The following NHS variants were observed in gnomAD, a reference collection of about 807,000 sequenced individuals.
NHS encodes actin remodeling regulator NHS.
In NHS, 5 loss-of-function variants were observed where a neutral mutation model predicts 72.5. That is an observed-to-expected ratio of 0.07 (90% CI 0.04 to 0.14). The LOEUF (loss-of-function observed/expected upper bound fraction) is 0.14, where lower values mean the gene tolerates loss of function less well. Ranked by LOEUF, NHS falls within the 10% of genes least tolerant of loss-of-function variation. The pLI, the probability that NHS is intolerant of heterozygous loss-of-function variation, is 1.00. For missense variants in NHS, 1,072 were observed against 1,355.7 expected (o/e 0.79, Z 3.29); for synonymous variants, 464 against 547.7 (o/e 0.85, Z 2.13).
chrX:17,458,726 C>T (rs779288585), intron 1 of NHS, among the ~76,000 whole-genome samples: 1 of 112,308 alleles, frequency 8.9e-6, no homozygotes, highest in East Asian at 2.8e-4. Context: ...CTCCTGACCT[C>T]AGGTGATCTG....
intron 1 of NHS, chrX:17,552,436 A>C (rs2065341712): frequency 8.9e-6 from 1 of 111,987 alleles, no homozygotes; most frequent in Non-Finnish European, 1.9e-5. Context: ...GCAGCTGAAC[A>C]GTGCTGGGTT....
intron 1 of NHS, among the ~76,000 whole-genome samples, chrX:17,521,590 T>C (rs1397369207): frequency 9.0e-6 from 1 of 111,232 alleles, no homozygotes; most frequent in Non-Finnish European, 1.9e-5. Flanking sequence ...CTCAAGTTCC[T>C]GGGATCAAGT....
intron 1 of NHS, among the ~76,000 whole-genome samples, chrX:17,563,313 G>A (rs1226951308): frequency 8.9e-6 from 1 of 112,679 alleles, no homozygotes; most frequent in Non-Finnish European, 1.9e-5. Context: ...GGGGCATTCA[G>A]TTAATGTTTA....
intron 3 of NHS, among the ~76,000 whole-genome samples, chrX:17,698,086 T>A (rs948746210): frequency 6.3e-5 from 7 of 111,525 alleles, no homozygotes; most frequent in African/African-American, 2.3e-4. Flanking sequence ...TGAATATGAG[T>A]GAGCTTAATT....
chrX:17,518,407 A>G (rs2065131002), intron 1 of NHS, among the ~76,000 whole-genome samples: 1 of 111,818 alleles, frequency 8.9e-6, no homozygotes, highest in South Asian at 3.7e-4. Flanking sequence ...CCATCTACAC[A>G]AGGAGTGAAC....
At position 17,733,463 on chromosome X, in the gene NHS, A is replaced by G. The variant is rs2066501985; in HGVS notation, c.*999A>G. On this transcript the variant is annotated 3_prime_UTR_variant, in exon 9 of 9. Coordinates refer to ENST00000676302, the MANE Select transcript of NHS (RefSeq NM_001291867.2). Reference sequence around the variant, plus strand: ...TTTAGGTTATGTTTTATATTAGGCTACTGGGGACATAAACGGTCATAACTA... The same window carrying G: ...TTTAGGTTATGTTTTATATTAGGCTGCTGGGGACATAAACGGTCATAACTA... The G allele has an allele frequency of 1.8e-5, 2 of 112,399 alleles. No homozygotes were observed. The highest frequency in any genetic ancestry group is 3.2e-5 in the African/African-American group (1 of 30,843). 9.3% of individuals were successfully genotyped at this position (112,399 alleles called of 1,213,427 possible). A position where few individuals can be genotyped will look rare whatever the true frequency, so the allele number is the denominator to read the frequency against.
chrX:17,677,379 G>A (rs999320829), intron 1 of NHS, among the ~76,000 whole-genome samples: 2 of 111,651 alleles, frequency 1.8e-5, no homozygotes, highest in African/African-American at 6.5e-5. Flanking sequence ...TTTGCCAAGC[G>A]ACTGCCACCT....
chrX:17,545,769 C>G (rs902945110), intron 1 of NHS, among the ~76,000 whole-genome samples: 3 of 111,836 alleles, frequency 2.7e-5, no homozygotes, highest in African/African-American at 9.8e-5. Context: ...CTATTCAAGT[C>G]CAAGCGGAGG....
chrX:17,447,218 G>A (rs758189085), intron 1 of NHS, among the ~76,000 whole-genome samples: 2 of 111,859 alleles, frequency 1.8e-5, no homozygotes, highest in Admixed American at 1.9e-4. Context: ...GCTAAGGGGT[G>A]ATGTTTCACT....
intron 1 of NHS, among the ~76,000 whole-genome samples, chrX:17,660,393 G>T (rs1291001842): frequency 8.9e-6 from 1 of 112,542 alleles, no homozygotes; most frequent in Non-Finnish European, 1.9e-5. Context: ...ATTGCTTTTT[G>T]TGGTTGTTTA....
At chrX:17,532,220 T>A (rs933319598) in intron 1 of NHS, among the ~76,000 whole-genome samples, 3 of 112,180 alleles carry the variant, frequency 2.7e-5, no homozygotes, top group East Asian at 2.8e-4. Context: ...ATTGGTAGCA[T>A]GAATTGGCCC....
At chrX:17,611,654 G>C (rs1417942001) in intron 1 of NHS, among the ~76,000 whole-genome samples, 1 of 111,182 alleles carries the variant, frequency 9.0e-6, no homozygotes, top group Non-Finnish European at 1.9e-5. Flanking sequence ...GAAGACTATA[G>C]GGCAAAATTC....
intron 1 of NHS, among the ~76,000 whole-genome samples, chrX:17,588,290 G>A (rs963016007): frequency 8.1e-5 from 9 of 111,701 alleles, no homozygotes; most frequent in Admixed American, 6.7e-4. Flanking sequence ...TGCCAGGGTT[G>A]GGGAGAGGGT....
At chrX:17,475,741 A>C (rs779714115) in intron 1 of NHS, among the ~76,000 whole-genome samples, 3 of 111,957 alleles carry the variant, frequency 2.7e-5, no homozygotes, top group Admixed American at 1.9e-4. Context: ...AGAGGGATGC[A>C]CACATTCTTT....
At chrX:17,535,311 A>G (rs1264977096) in intron 1 of NHS, among the ~76,000 whole-genome samples, 1 of 111,407 alleles carries the variant, frequency 9.0e-6, no homozygotes, top group Non-Finnish European at 1.9e-5. Context: ...GCATGGGATG[A>G]ACTGAGCATT....
intron 1 of NHS, among the ~76,000 whole-genome samples, chrX:17,538,421 G>A (rs914164149): frequency 8.9e-6 from 1 of 111,807 alleles, no homozygotes; most frequent in African/African-American, 3.3e-5. Context: ...GCACTAAAGA[G>A]TAGGCTCCCA....
chrX:17,665,285 T>C (rs1400063914), intron 1 of NHS, among the ~76,000 whole-genome samples: 2 of 105,298 alleles, frequency 1.9e-5, no homozygotes, highest in African/African-American at 3.4e-5. Flanking sequence ...TTAAGGGAAA[T>C]CAACATTTCA....
Position 17,732,641 on chromosome X carries a change from T to C in NHS, c.*177T>C, listed in dbSNP as rs2066496812. On this transcript the variant is annotated 3_prime_UTR_variant, in exon 9 of 9. Coordinates refer to ENST00000676302, the MANE Select transcript of NHS (RefSeq NM_001291867.2). ...TAAACAGAAAGTGGTTTAGACATTCTTGATTAGTTTCCATATTTTAAGTAG... is the reference window on the plus strand; with the variant it reads ...TAAACAGAAAGTGGTTTAGACATTCCTGATTAGTTTCCATATTTTAAGTAG... 2 of 648,428 alleles carry C rather than the reference T, an allele frequency of 3.1e-6. No homozygotes were observed. The highest frequency in any genetic ancestry group is 2.2e-5 in the African/African-American group (1 of 45,755). The allele number at this position is 648,428 out of a possible 1,213,427, so 53.4% of individuals were successfully genotyped here.
chrX:17,545,040 C>T (rs1229353608), intron 1 of NHS, among the ~76,000 whole-genome samples: 1 of 112,384 alleles, frequency 8.9e-6, no homozygotes, highest in Non-Finnish European at 1.9e-5. Context: ...TGCTTGTAAT[C>T]ATGTGCTCTC....
Sources: gnomAD v4.1 joint callset for allele counts (sites outside exome capture counted in the v4.1 genomes callset) on GRCh38, gnomAD v4.1.1 for gene constraint, MANE v1.5 for transcripts, NCBI Gene and HGNC (gene_info 2026-07-23, HGNC 2026-07-21) for gene names.